Variants in SLC4A4 observed in about 807,000 individuals in gnomAD.
The protein encoded by SLC4A4 is electrogenic sodium bicarbonate cotransporter 1.
SLC4A4 carries 27 observed loss-of-function variants against 111.5 expected under a neutral mutation model. The ratio of observed to expected loss-of-function variants is 0.24; its 90% CI spans 0.18 to 0.33. The LOEUF (loss-of-function observed/expected upper bound fraction) is 0.33. Ranked by LOEUF, SLC4A4 falls within the 10% of genes least tolerant of loss-of-function variation. The probability of loss-of-function intolerance (pLI) is 1.00; values close to 1 mark genes in which losing one functional copy is unlikely to be tolerated. For missense variants in SLC4A4, 909 were observed against 1,315.5 expected (o/e 0.69, Z 4.78); for synonymous variants, 443 against 463.4 (o/e 0.96, Z 0.57).
chr4:71,164,082 C>A (rs1460685012), intron 2 of SLC4A4, among the ~76,000 whole-genome samples: 1 of 150,056 alleles, frequency 6.7e-6, no homozygotes, highest in East Asian at 2.0e-4. Context: ...CCCGACTCTA[C>A]TAAAAATACA....
chr4:71,469,444 C>G (rs568044958), intron 13 of SLC4A4, among the ~76,000 whole-genome samples: 1 of 151,930 alleles, frequency 6.6e-6, no homozygotes, highest in South Asian at 2.1e-4. Flanking sequence ...GATGTGACTT[C>G]TTCAGTTTGT....
chr4:71,211,337 A>G (rs1718119408), intron 1 of SLC4A4, among the ~76,000 whole-genome samples: 1 of 152,208 alleles, frequency 6.6e-6, no homozygotes, highest in Admixed American at 6.5e-5. Context: ...TGTCATCACC[A>G]TACTTTATTT....
intron 24 of SLC4A4, among the ~76,000 whole-genome samples, chr4:71,564,291 T>C (rs913064574): frequency 3.3e-5 from 5 of 151,860 alleles, no homozygotes; most frequent in Non-Finnish European, 7.4e-5. Context: ...AGAAATTGCA[T>C]CATTGGTCTC....
At chr4:71,431,232 A>G (rs1239933992) in intron 7 of SLC4A4, among the ~76,000 whole-genome samples, 1 of 152,174 alleles carries the variant, frequency 6.6e-6, no homozygotes, top group African/African-American at 2.4e-5. Flanking sequence ...ATGTTTGACT[A>G]CAATAAGTAC....
chr4:71,548,218 GA>G (rs1357458116), intron 20 of SLC4A4, among the ~76,000 whole-genome samples: 1 of 151,602 alleles, frequency 6.6e-6, no homozygotes, highest in Non-Finnish European at 1.5e-5. Context: ...TATTTTATTT[GA>G]ATCAGATGGC....
At chr4:71,077,841 A>G (rs1229862841) in intron 1 of SLC4A4, among the ~76,000 whole-genome samples, 4 of 152,212 alleles carry the variant, frequency 2.6e-5, no homozygotes, top group African/African-American at 9.7e-5. Context: ...AGTTCCTTCC[A>G]ACAAAAATAC....
intron 2 of SLC4A4, 55 bp from the exon 3 acceptor site, chr4:71,255,165 G>A: frequency 2.1e-6 from 3 of 1,451,606 alleles, no homozygotes; most frequent in Non-Finnish European, 2.9e-6. Context: ...TGTGCAATTT[G>A]TCTGCAGTAG....
chr4:71,207,548 C>A (rs796933496), intron 1 of SLC4A4, among the ~76,000 whole-genome samples: 4 of 152,220 alleles, frequency 2.6e-5, no homozygotes, highest in African/African-American at 7.2e-5. Flanking sequence ...TAAATGAAGT[C>A]ACTTGACTAT....
intron 16 of SLC4A4, among the ~76,000 whole-genome samples, chr4:71,509,714 G>T (rs760135939): frequency 3.2e-4 from 49 of 152,148 alleles, no homozygotes; most frequent in Non-Finnish European, 6.2e-4. Flanking sequence ...TAGCCTCTTG[G>T]GTAAGGAGCA....
intron 1 of SLC4A4, among the ~76,000 whole-genome samples, chr4:71,225,030 T>G (rs904151888): frequency 3.9e-5 from 6 of 152,182 alleles, no homozygotes; most frequent in African/African-American, 1.4e-4. Context: ...TGGCAAGTAG[T>G]AAGTATTTAA....
chr4:71,509,922 G>C (rs1279555309), intron 16 of SLC4A4, among the ~76,000 whole-genome samples: 1 of 152,184 alleles, frequency 6.6e-6, no homozygotes, highest in Non-Finnish European at 1.5e-5. Context: ...AGGATGGAGA[G>C]AAGCAGTGGC....
At chr4:71,556,707 T>G (rs1307322039) in intron 21 of SLC4A4, among the ~76,000 whole-genome samples, 1 of 151,946 alleles carries the variant, frequency 6.6e-6, no homozygotes, top group African/African-American at 2.4e-5. Flanking sequence ...GTAAAGAAAT[T>G]TTGTAACCCA....
At chr4:71,512,989 G>A (rs1021943796) in intron 16 of SLC4A4, among the ~76,000 whole-genome samples, 5 of 151,958 alleles carry the variant, frequency 3.3e-5, no homozygotes, top group East Asian at 1.9e-4. Context: ...GTTGGTCTAC[G>A]TGTCTATTTT....
chr4:71,475,955 C>A (rs1364724019), intron 14 of SLC4A4, among the ~76,000 whole-genome samples: 1 of 151,774 alleles, frequency 6.6e-6, no homozygotes, highest in Non-Finnish European at 1.5e-5. Context: ...TCCTTCTAGG[C>A]ATACATTGTA....
At chr4:71,085,169 T>C (rs1742120857) in intron 1 of SLC4A4, among the ~76,000 whole-genome samples, 1 of 152,120 alleles carries the variant, frequency 6.6e-6, no homozygotes, top group South Asian at 2.1e-4. Flanking sequence ...AGATGAGCAT[T>C]TTTTCATGTG....
chr4:71,137,063 C>A (rs1743866526), intron 2 of SLC4A4, among the ~76,000 whole-genome samples: 2 of 152,172 alleles, frequency 1.3e-5, no homozygotes, highest in Admixed American at 6.5e-5. Flanking sequence ...ACCAGTCTGG[C>A]TCCCTTACCA....
chr4:71,506,117 A>G (rs1478926330), intron 16 of SLC4A4, among the ~76,000 whole-genome samples: 2 of 152,230 alleles, frequency 1.3e-5, no homozygotes, highest in South Asian at 4.1e-4. Context: ...GTCAGGTAGC[A>G]TGATGCCTCC....
Position 71,569,810 on chromosome 4 carries a change from AC to A in SLC4A4, c.*2061del, listed in dbSNP as rs1278273938. On this transcript the variant is annotated 3_prime_UTR_variant, in exon 26 of 26. Coordinates refer to ENST00000264485, the MANE Select transcript of SLC4A4 (RefSeq NM_001098484.3). ...CTGAGTTAGCTGTTACTTTTACAGT[AC>A]CTGATACTCCTAAAACTTTTAACTT... is the stretch of plus-strand genomic sequence containing the variant. The A allele has an allele frequency of 3.3e-5, 5 of 151,844 alleles. No individual in the cohort carries two copies. In the East Asian group the frequency reaches 9.8e-4, roughly 30 times the overall value. 9.4% of individuals were successfully genotyped at this position (151,844 alleles called of 1,614,324 possible).
At chr4:71,441,856 G>A (rs1724749694) in intron 8 of SLC4A4, among the ~76,000 whole-genome samples, 2 of 152,160 alleles carry the variant, frequency 1.3e-5, no homozygotes, top group Admixed American at 6.5e-5. Context: ...TGGACAAATA[G>A]CAGTGGAAAA....
Sources: allele counts gnomAD v4.1 joint callset (sites outside exome capture counted in the v4.1 genomes callset), GRCh38; gene constraint gnomAD v4.1.1; transcripts MANE v1.5; gene names NCBI Gene and HGNC (gene_info 2026-07-23, HGNC 2026-07-21).